ITPR3: variants seen among roughly 807,000 people sequenced by gnomAD.
ITPR3 encodes inositol 1,4,5-trisphosphate receptor type 3, also known as inositol 1,4,5-trisphosphate-gated calcium channel ITPR3.
In ITPR3, 173 loss-of-function variants were observed where a neutral mutation model predicts 293.2. That is an observed-to-expected ratio of 0.59 (90% CI 0.52 to 0.67). ITPR3 has a LOEUF of 0.67. Ranked by LOEUF, ITPR3 falls within the 30% of genes least tolerant of loss-of-function variation. The probability of loss-of-function intolerance (pLI) is 0.00; values close to 1 mark genes in which losing one functional copy is unlikely to be tolerated. For missense variants in ITPR3, 2,796 were observed against 3,592.1 expected (o/e 0.78, Z 5.66); for synonymous variants, 1,295 against 1,444.4 (o/e 0.90, Z 2.35).
chr6:33,657,868 G>A lies in ITPR3; in HGVS notation c.283-64G>A. Reference sequence around the variant, plus strand: ...ATGTGTGCGTGCATGTGTGGGGCTGGGGTATGTCTTCCTCTAGGAGCAGCT... The same window carrying A: ...ATGTGTGCGTGCATGTGTGGGGCTGAGGTATGTCTTCCTCTAGGAGCAGCT... On this transcript the variant is annotated intron_variant, in intron 3 of 57. Coordinates refer to ENST00000605930, the MANE Select transcript of ITPR3 (RefSeq NM_002224.4). The A allele has an allele frequency of 4.5e-6, 6 of 1,345,662 alleles. No individual in the cohort carries two copies. The South Asian group carries it at 6.0e-5, about 13-fold the overall frequency. 83.4% of individuals were successfully genotyped at this position (1,345,662 alleles called of 1,614,324 possible).
Position 33,671,626 on chromosome 6 carries a change from T to C in ITPR3, c.2728+320T>C, listed in dbSNP as rs1427814995. Among the ~76,000 whole-genome samples the C allele has an allele frequency of 2.0e-5, 3 of 152,078 alleles. No homozygotes were observed. The East Asian group carries it at 5.8e-4, about 29-fold the overall frequency. ...GAGGGAGGCACAGCCTGTCTGAGGGTTGAGCGGCAGCCCTGCCCTCCCAGA... is the reference window on the plus strand; with the variant it reads ...GAGGGAGGCACAGCCTGTCTGAGGGCTGAGCGGCAGCCCTGCCCTCCCAGA... On this transcript the variant is annotated intron_variant, in intron 21 of 57. Coordinates refer to ENST00000605930, the MANE Select transcript of ITPR3 (RefSeq NM_002224.4).
intron 2 of ITPR3, among the ~76,000 whole-genome samples, chr6:33,646,568 ATCTT>A (rs1444383517): frequency 2.0e-5 from 3 of 151,818 alleles, no homozygotes; most frequent in African/African-American, 7.3e-5. Context: ...CCTTCTGGAG[ATCTT>A]TCTCTCTGAA....
At position 33,640,514 on chromosome 6, in the gene ITPR3, C is replaced by T. The variant is rs764696860; in HGVS notation, c.120C>T (p.Pro40=). The change falls in exon 2 of 58, where the codon CCC becomes CCT. Residue 40 remains proline, a synonymous_variant. Transcript: ENST00000605930. The part of the protein sequence containing the change: ...GLVDDRCVVE[P]AAGDLDNPPK... ...TGGATGACCGCTGTGTGGTGGAGCCCGCGGCCGGGGACCTGGACAACCCCC... is the reference window on the plus strand; with the variant it reads ...TGGATGACCGCTGTGTGGTGGAGCCTGCGGCCGGGGACCTGGACAACCCCC... The T allele has an allele frequency of 9.0e-5, 146 of 1,613,546 alleles. No homozygotes were observed. Among genetic ancestry groups the T allele is most frequent in the Non-Finnish European group, 1.2e-4 (140 of 1,179,802 alleles).
chr6:33,671,595 G>A (rs1415893458), intron 21 of ITPR3, among the ~76,000 whole-genome samples: 1 of 152,194 alleles, frequency 6.6e-6, no homozygotes, highest in Non-Finnish European at 1.5e-5. Context: ...TCGTGTGTGT[G>A]AGGAGGAGGG....
Position 33,632,095 on chromosome 6 carries a change from C to T in ITPR3, c.90-8389C>T, listed in dbSNP as rs987541668. ...CTTGCCTTGGCACCTGGGTAATCCT[C>T]CACCCACAGCCAGTGTCTGGGGCTG... On this transcript the variant is annotated intron_variant, in intron 1 of 57. Coordinates refer to ENST00000605930, the MANE Select transcript of ITPR3 (RefSeq NM_002224.4). The surrounding 1 kb of genome is among the most constrained non-coding windows in gnomAD (Gnocchi z 4.1). Among the ~76,000 whole-genome samples the T allele has an allele frequency of 1.1e-4, 16 of 152,286 alleles. No individual in the cohort carries two copies. Among genetic ancestry groups the T allele is most frequent in the African/African-American group, 3.6e-4 (15 of 41,544 alleles).
intron 2 of ITPR3, among the ~76,000 whole-genome samples, chr6:33,651,133 C>T (rs113715692): frequency 0.069 from 10,415 of 151,808 alleles, 425 homozygotes; most frequent in African/African-American, 0.11. Context: ...AAAAATTAGC[C>T]GGGCGTGGTG....
In ITPR3 at chr6:33,691,419, C is replaced by T. The variant is rs1459489515; in HGVS notation, c.7226-196C>T. Among the ~76,000 whole-genome samples, 3 of 152,186 alleles carry T rather than the reference C, an allele frequency of 2.0e-5. No individual in the cohort carries two copies. The highest frequency in any genetic ancestry group is 7.2e-5 in the African/African-American group (3 of 41,424). ...TGCCCGTGTGCCAGGCCTAGGGGTA[C>T]AGAGACCCCTCCCTGCCCTTAGTGT... On this transcript the variant is annotated intron_variant, in intron 52 of 57. Transcript: ENST00000605930. The surrounding 1 kb of genome is among the most constrained non-coding windows in gnomAD (Gnocchi z 4.9).
intron 1 of ITPR3, among the ~76,000 whole-genome samples, chr6:33,637,990 T>TTTTTG (rs1166937750): frequency 1.5e-3 from 227 of 150,584 alleles, no homozygotes; most frequent in Middle Eastern, 7.0e-3. Context: ...CTAGGCACGT[T>TTTTTG]TTTTGTTTTG....
intron 10 of ITPR3, 32 bp from the exon 11 acceptor site, chr6:33,663,706 G>T (rs1764535694): frequency 6.2e-7 from 1 of 1,611,742 alleles, no homozygotes; most frequent in Non-Finnish European, 8.5e-7. Flanking sequence ...GAAGAGGGAG[G>T]GCCTTCTACC....
At position 33,682,438 on chromosome 6, in the gene ITPR3, A is replaced by G. The variant is rs1765101763; in HGVS notation, c.4477-86A>G. 1.4e-6 allele frequency: 2 copies of G among 1,433,716 alleles called. No individual in the cohort carries two copies. Among genetic ancestry groups the G allele is most frequent in the Admixed American group, 5.6e-5 (2 of 35,966 alleles). The allele number at this position is 1,433,716 out of a possible 1,614,324, so 88.8% of individuals were successfully genotyped here. A position where few individuals can be genotyped will look rare whatever the true frequency, so the allele number is the denominator to read the frequency against. ...AGGCTCCGTCTCTCCACCCATGCCCATTCTGATTGGGCCCTGGTTCCTGGA... is the reference window on the plus strand; with the variant it reads ...AGGCTCCGTCTCTCCACCCATGCCCGTTCTGATTGGGCCCTGGTTCCTGGA... On this transcript the variant is annotated intron_variant, in intron 33 of 57. Coordinates refer to ENST00000605930, the MANE Select transcript of ITPR3 (RefSeq NM_002224.4). The surrounding 1 kb of genome is among the most constrained non-coding windows in gnomAD (Gnocchi z 5.4).
Position 33,679,927 on chromosome 6 carries a change from G to C in ITPR3, c.4018G>C (p.Ala1340Pro), listed in dbSNP as rs1485807397. Reference sequence around the variant, plus strand: ...TGTGGTCGTGTTCTACAATGATAAGGCATCGCTGGCCCACCTGCTGGACAT... The same window carrying C: ...TGTGGTCGTGTTCTACAATGATAAGCCATCGCTGGCCCACCTGCTGGACAT... ...DDVVVFYNDK[A>P]SLAHLLDMMK... The change falls in exon 31 of 58, where the codon GCA (alanine) becomes CCA (proline). Residue 1340 changes from alanine (A) to proline (P), a missense_variant. Coordinates refer to ENST00000605930, the MANE Select transcript of ITPR3 (RefSeq NM_002224.4). The surrounding 1 kb of genome is among the most constrained non-coding windows in gnomAD (Gnocchi z 4.2). 2 of 1,613,710 alleles carry C rather than the reference G, an allele frequency of 1.2e-6. No homozygotes were observed. The highest frequency in any genetic ancestry group is 1.3e-5 in the African/African-American group (1 of 74,904).
chr6:33,631,240 G>A (rs1215534371), intron 1 of ITPR3, among the ~76,000 whole-genome samples: 1 of 152,226 alleles, frequency 6.6e-6, no homozygotes, highest in Non-Finnish European at 1.5e-5. Flanking sequence ...ACAAGACAAA[G>A]AGATAAAGAA....
intron 2 of ITPR3, among the ~76,000 whole-genome samples, chr6:33,643,532 C>T (rs1261556948): frequency 6.6e-6 from 1 of 152,268 alleles, no homozygotes; most frequent in Non-Finnish European, 1.5e-5. Context: ...TTGAACTCTG[C>T]CTGGCTGTAA....
At chr6:33,644,964 A>C (rs1157900879) in intron 2 of ITPR3, among the ~76,000 whole-genome samples, 1 of 150,464 alleles carries the variant, frequency 6.6e-6, no homozygotes, top group Non-Finnish European at 1.5e-5. Context: ...GCACCTGGCT[A>C]AGTTTTTATA....
At chr6:33,653,591 T>G (rs1764241513) in intron 2 of ITPR3, among the ~76,000 whole-genome samples, 3 of 151,832 alleles carry the variant, frequency 2.0e-5, no homozygotes, top group Admixed American at 2.0e-4. Context: ...GTTTGCTAAA[T>G]CCATGCAAAA....
intron 2 of ITPR3, among the ~76,000 whole-genome samples, chr6:33,642,658 T>C (rs1198261841): frequency 6.6e-6 from 1 of 152,096 alleles, no homozygotes; most frequent in East Asian, 1.9e-4. Flanking sequence ...TCTGTCCTCA[T>C]TGCGCCTTCC....
In ITPR3 at chr6:33,667,112, C is replaced by T. The variant is rs1764628754; in HGVS notation, c.1552-17C>T. 6.2e-7 allele frequency: 1 copy of T among 1,612,062 alleles called. No homozygotes were observed. Among genetic ancestry groups the T allele is most frequent in the African/African-American group, 1.3e-5 (1 of 74,880 alleles). Reference sequence around the variant, plus strand: ...CAGGTGTTGGGGAATCAGTCCTCACCCTCTGTATTCCCCCAGGTCTTTGGC... The same window carrying T: ...CAGGTGTTGGGGAATCAGTCCTCACTCTCTGTATTCCCCCAGGTCTTTGGC... On this transcript the variant is annotated splice_polypyrimidine_tract_variant and intron_variant, in intron 14 of 57. Transcript: ENST00000605930. This position sits in a 1 kb window ranked among gnomAD's most constrained non-coding sequence, Gnocchi z 4.4.
In ITPR3 at chr6:33,664,883, C is replaced by T. The variant is rs1460198969; in HGVS notation, c.1162C>T (p.Arg388Trp). 3.1e-6 allele frequency: 5 copies of T among 1,612,256 alleles called. No individual in the cohort carries two copies. The highest frequency in any genetic ancestry group is 3.4e-6 in the Non-Finnish European group (4 of 1,179,082). Residue 388 changes from arginine (R) to tryptophan (W), a missense_variant, in exon 12 of 58, where the codon CGG becomes TGG. Physicochemically the swap from Arg to Trp is moderately radical, Grantham distance 101. This residue lies in a region of ITPR3 where 955 missense variants were observed against 1,180.8 expected (regional missense o/e 0.81). Transcript: ENST00000605930. The surrounding 1 kb of genome is among the most constrained non-coding windows in gnomAD (Gnocchi z 4.4). Reference sequence around the variant, plus strand: ...ACCCACCTGCAGGAACTCGTACGTCCGGCTGCGGCACCTCTGCACCAACAC... The same window carrying T: ...ACCCACCTGCAGGAACTCGTACGTCTGGCTGCGGCACCTCTGCACCAACAC... ...DSFVPRNSYV[R>W]LRHLCTNTWI...
Position 33,632,901 on chromosome 6 carries a change from T to C in ITPR3, c.90-7583T>C, listed in dbSNP as rs1190030437. On this transcript the variant is annotated intron_variant, in intron 1 of 57. Transcript: ENST00000605930. The surrounding 1 kb of genome is among the most constrained non-coding windows in gnomAD (Gnocchi z 4.1). ...GGTGGGGACCACACCCAGCACATAG[T>C]AGGCTCGTGGTGAGGTCTGTCGAGT... is the stretch of plus-strand genomic sequence containing the variant. 6.6e-6 allele frequency among the ~76,000 whole-genome samples: 1 copy of C among 151,896 alleles called. No homozygotes were observed. The highest frequency in any genetic ancestry group is 2.4e-5 in the African/African-American group (1 of 41,444).
Sources: allele counts gnomAD v4.1 joint callset (sites outside exome capture counted in the v4.1 genomes callset), GRCh38; gene constraint gnomAD v4.1.1; regional missense constraint gnomAD v4.1.1; non-coding constraint Gnocchi (gnomAD v3.1); transcripts MANE v1.5; gene names NCBI Gene and HGNC (gene_info 2026-07-23, HGNC 2026-07-21).